Variants in RELN observed in about 807,000 individuals in gnomAD.
RELN encodes the protein reelin.
Under a neutral mutation model 427.6 loss-of-function variants are expected in RELN, and 108 were observed. That is an observed-to-expected ratio of 0.25 (90% CI 0.22 to 0.30). The LOEUF is 0.30. Ranked by LOEUF, RELN falls within the 10% of genes least tolerant of loss-of-function variation. The pLI is 1.00. For synonymous variants in RELN, 1,524 were observed against 1,513.4 expected (o/e 1.01, Z -0.16); for missense variants, 3,715 against 4,302.8 (o/e 0.86, Z 3.82).
chr7:103,797,969 G>C (rs1367855427), intron 3 of RELN, among the ~76,000 whole-genome samples: 1 of 152,204 alleles, frequency 6.6e-6, no homozygotes, highest in Admixed American at 6.5e-5. Flanking sequence ...ATGGCAATAA[G>C]TCACGGATTA....
rs1793566353 is a variant in RELN at position 103,842,134 on chromosome 7, C to T, written c.338-8462G>A. Among the ~76,000 whole-genome samples, 3 of 151,992 alleles carry T rather than the reference C, an allele frequency of 2.0e-5. No individual in the cohort carries two copies. The South Asian group carries it at 6.2e-4, about 31-fold the overall frequency. ...TTCAGGAAGTTTAGCAAAGTTATCACCTTATGTCTACATAAGAAGTGTAAG... is the reference window on the plus strand; with the variant it reads ...TTCAGGAAGTTTAGCAAAGTTATCATCTTATGTCTACATAAGAAGTGTAAG... On this transcript the variant is annotated intron_variant, in intron 2 of 64. Coordinates refer to ENST00000428762, the MANE Select transcript of RELN (RefSeq NM_005045.4).
chr7:103,921,730 C>T (rs1258842713), intron 1 of RELN, among the ~76,000 whole-genome samples: 3 of 152,066 alleles, frequency 2.0e-5, no homozygotes, highest in Admixed American at 6.5e-5. Context: ...ATAACTAGTC[C>T]CTCCAGTCAA....
intron 2 of RELN, among the ~76,000 whole-genome samples, chr7:103,888,202 C>A (rs1422742765): frequency 6.6e-6 from 1 of 151,128 alleles, no homozygotes; most frequent in Admixed American, 6.6e-5. Flanking sequence ...AAACTGACAT[C>A]TGGACCTGAG....
At chr7:103,841,479 A>G (rs1247015401) in intron 2 of RELN, among the ~76,000 whole-genome samples, 2 of 152,122 alleles carry the variant, frequency 1.3e-5, no homozygotes, top group Non-Finnish European at 2.9e-5. Flanking sequence ...TTGACTCACA[A>G]TGTCTTTAAT....
At chr7:103,839,463 A>T (rs549016465) in intron 2 of RELN, among the ~76,000 whole-genome samples, 474 of 152,240 alleles carry the variant, frequency 3.1e-3, no homozygotes, top group African/African-American at 0.011. Flanking sequence ...TATTTACAGA[A>T]TTCCTGTTTT....
intron 8 of RELN, among the ~76,000 whole-genome samples, chr7:103,710,208 A>G (rs1435301454): frequency 6.6e-6 from 1 of 152,152 alleles, no homozygotes; most frequent in African/African-American, 2.4e-5. Context: ...GCCATATTTT[A>G]TAACACTTGC....
intron 19 of RELN, among the ~76,000 whole-genome samples, chr7:103,634,621 A>G (rs1448926973): frequency 6.6e-6 from 1 of 152,100 alleles, no homozygotes; most frequent in Non-Finnish European, 1.5e-5. Context: ...ATAAACCCTA[A>G]CACCCCATTT....
At chr7:103,842,163 A>T (rs552751856) in intron 2 of RELN, among the ~76,000 whole-genome samples, 3 of 152,188 alleles carry the variant, frequency 2.0e-5, no homozygotes, top group African/African-American at 7.2e-5. Context: ...GTGTAAGCTA[A>T]GAATGGCACA....
chr7:103,543,831 C>T (rs1183668922), intron 42 of RELN, among the ~76,000 whole-genome samples: 1 of 152,142 alleles, frequency 6.6e-6, no homozygotes, highest in Non-Finnish European at 1.5e-5. Context: ...AGTTGATACA[C>T]TCTGTTGTGC....
intron 20 of RELN, among the ~76,000 whole-genome samples, chr7:103,613,343 CACTA>C (rs1451963642): frequency 6.6e-6 from 1 of 152,068 alleles, no homozygotes; most frequent in African/African-American, 2.4e-5. Flanking sequence ...ATTTACAAAT[CACTA>C]ACTTTCAGTT....
intron 1 of RELN, among the ~76,000 whole-genome samples, chr7:103,964,555 G>A (rs1284114293): frequency 6.6e-6 from 1 of 152,028 alleles, no homozygotes; most frequent in Non-Finnish European, 1.5e-5. Context: ...ATCACTCCTG[G>A]GAGTCCACTA....
At chr7:103,538,762 T>C (rs1830111532) in intron 45 of RELN, among the ~76,000 whole-genome samples, 1 of 152,230 alleles carries the variant, frequency 6.6e-6, no homozygotes. Flanking sequence ...AAGTGTATCC[T>C]TTATTCTGCG....
At chr7:103,760,247 A>G (rs796847933) in intron 4 of RELN, among the ~76,000 whole-genome samples, 1 of 150,186 alleles carries the variant, frequency 6.7e-6, no homozygotes, top group Non-Finnish European at 1.5e-5. Context: ...ATCACATGCT[A>G]AAAGTTAAAA....
rs1478903163 is a variant in RELN at position 103,885,547 on chromosome 7, A to G, written c.337+31528T>C. 2.6e-5 allele frequency among the ~76,000 whole-genome samples: 4 copies of G among 152,128 alleles called. No individual in the cohort carries two copies. The East Asian group carries it at 7.7e-4, about 29-fold the overall frequency. On this transcript the variant is annotated intron_variant, in intron 2 of 64. Transcript: ENST00000428762. ...AGTTGGAGTGGAACAATGAGAACAC[A>G]TGGACACAAGGAACGGAACATCACA...
At chr7:103,825,030 C>T (rs1793101604) in intron 3 of RELN, among the ~76,000 whole-genome samples, 1 of 151,936 alleles carries the variant, frequency 6.6e-6, no homozygotes, top group Admixed American at 6.6e-5. Context: ...CTGCCTGGTA[C>T]ACCAGTACTC....
At chr7:103,590,178 T>A (rs1255354029) in intron 27 of RELN, among the ~76,000 whole-genome samples, 2 of 152,096 alleles carry the variant, frequency 1.3e-5, no homozygotes, top group Non-Finnish European at 2.9e-5. Context: ...GAGGAAACCA[T>A]AAGATGGAGA....
intron 27 of RELN, among the ~76,000 whole-genome samples, chr7:103,590,206 G>A (rs1317610550): frequency 6.6e-6 from 1 of 152,138 alleles, no homozygotes; most frequent in Non-Finnish European, 1.5e-5. Flanking sequence ...GTCTTCTTCA[G>A]TACAGGAAGG....
At chr7:103,633,827 T>C (rs1183551588) in intron 19 of RELN, among the ~76,000 whole-genome samples, 1 of 152,132 alleles carries the variant, frequency 6.6e-6, no homozygotes, top group Admixed American at 6.5e-5. Context: ...TTCATCATCA[T>C]TACCTTGATT....
In RELN at chr7:103,766,868, C is replaced by G. The variant is rs117668132; in HGVS notation, c.544+9689G>C. Among the ~76,000 whole-genome samples, 234 of 152,328 alleles carry G rather than the reference C, an allele frequency of 1.5e-3. 4 individuals are homozygous for G. The East Asian group carries it at 0.041, about 27-fold the overall frequency. ...CGCCAGCTGTAAGCCTGACCTCTTTCCTCCTGACATAAAACGTTTGCCTTT... is the reference window on the plus strand; with the variant it reads ...CGCCAGCTGTAAGCCTGACCTCTTTGCTCCTGACATAAAACGTTTGCCTTT... On this transcript the variant is annotated intron_variant, in intron 4 of 64. Coordinates refer to ENST00000428762, the MANE Select transcript of RELN (RefSeq NM_005045.4).
Sources: gnomAD v4.1 joint callset for allele counts (sites outside exome capture counted in the v4.1 genomes callset) on GRCh38, gnomAD v4.1.1 for gene constraint, MANE v1.5 for transcripts, NCBI Gene and HGNC (gene_info 2026-07-23, HGNC 2026-07-21) for gene names.